The following NMNAT2 variants were observed in gnomAD, a reference collection of about 807,000 sequenced individuals.
NMNAT2 encodes the protein nicotinamide nucleotide adenylyltransferase 2.
Under a neutral mutation model 41.6 loss-of-function variants are expected in NMNAT2, and 11 were observed. The observed-to-expected ratio is 0.26, with a 90% CI of 0.17 to 0.44. The LOEUF (loss-of-function observed/expected upper bound fraction) is 0.44, where lower values mean the gene tolerates loss of function less well. Ranked by LOEUF, NMNAT2 falls within the 20% of genes least tolerant of loss-of-function variation. The pLI, the probability that NMNAT2 is intolerant of heterozygous loss-of-function variation, is 1.00. For synonymous variants in NMNAT2, 148 were observed against 151.2 expected, an observed-to-expected ratio of 0.98 and a Z score of 0.16; for missense variants, 288 against 407.7, an observed-to-expected ratio of 0.71 and a Z score of 2.53.
chr1:183,272,170 T>C (rs1219140069), intron 8 of NMNAT2, among the ~76,000 whole-genome samples: 1 of 152,200 alleles, frequency 6.6e-6, no homozygotes, highest in African/African-American at 2.4e-5. Context: ...TGCCTTCTGC[T>C]TCACAAATCT....
At chr1:183,274,300 A>G (rs1661068616) in intron 8 of NMNAT2, among the ~76,000 whole-genome samples, 1 of 151,632 alleles carries the variant, frequency 6.6e-6, no homozygotes, top group Admixed American at 6.6e-5. Flanking sequence ...CAATAACTTT[A>G]TTTATTTATT....
chr1:183,336,752 C>T (rs1286715861), intron 1 of NMNAT2, among the ~76,000 whole-genome samples: 1 of 152,170 alleles, frequency 6.6e-6, no homozygotes, highest in Non-Finnish European at 1.5e-5. Flanking sequence ...AAAATACTTA[C>T]ACAAGAATGT....
intron 1 of NMNAT2, among the ~76,000 whole-genome samples, chr1:183,331,811 G>A (rs932897903): frequency 2.6e-5 from 4 of 152,004 alleles, no homozygotes; most frequent in Admixed American, 2.0e-4. Context: ...TTTTTGAGAC[G>A]GAGTCTCACT....
chr1:183,416,887 A>G (rs1486473225), intron 1 of NMNAT2, among the ~76,000 whole-genome samples: 1 of 151,904 alleles, frequency 6.6e-6, no homozygotes, highest in African/African-American at 2.4e-5. Flanking sequence ...CAGGCTCCGG[A>G]TAAACACGTG....
chr1:183,309,694 T>C (rs1449168276), intron 1 of NMNAT2, among the ~76,000 whole-genome samples: 1 of 152,180 alleles, frequency 6.6e-6, no homozygotes, highest in Non-Finnish European at 1.5e-5. Flanking sequence ...CCTGGTTTTA[T>C]CTCATTGGTT....
intron 1 of NMNAT2, among the ~76,000 whole-genome samples, chr1:183,305,547 C>T (rs1571587560): frequency 6.6e-6 from 1 of 152,044 alleles, no homozygotes; most frequent in South Asian, 2.1e-4. Flanking sequence ...TAGACTTTAT[C>T]CAGGAGATAG....
chr1:183,345,052 T>C (rs982794669), intron 1 of NMNAT2, among the ~76,000 whole-genome samples: 1 of 152,164 alleles, frequency 6.6e-6, no homozygotes, highest in African/African-American at 2.4e-5. Context: ...ATTCCACCTG[T>C]TGTAAATCTC....
intron 1 of NMNAT2, among the ~76,000 whole-genome samples, chr1:183,313,709 C>A (rs1395804061): frequency 2.0e-5 from 3 of 152,200 alleles, no homozygotes; most frequent in African/African-American, 7.2e-5. Context: ...TGGTCTCGAA[C>A]TCTTGGCCTC....
At position 183,350,326 on chromosome 1, in the gene NMNAT2, G is replaced by C. The variant is rs561523901; in HGVS notation, c.86-56533C>G. Among the ~76,000 whole-genome samples the C allele has an allele frequency of 6.5e-4, 99 of 152,190 alleles. 2 individuals carry two copies. In the South Asian group the frequency reaches 0.02, roughly 31 times the overall value. ...ACCAGCTGAGATGGGGAACTGTCCT[G>C]GTCAACCCCTGTTAATTTGGGAGGA... On this transcript the variant is annotated intron_variant, in intron 1 of 10. Transcript: ENST00000287713.
chr1:183,355,232 A>G (rs1663158617), intron 1 of NMNAT2, among the ~76,000 whole-genome samples: 1 of 152,080 alleles, frequency 6.6e-6, no homozygotes, highest in Non-Finnish European at 1.5e-5. Context: ...GACTCTTCCA[A>G]TCTGTGTTAG....
intron 1 of NMNAT2, among the ~76,000 whole-genome samples, chr1:183,346,751 C>T (rs1176005748): frequency 3.3e-5 from 5 of 152,204 alleles, no homozygotes; most frequent in African/African-American, 7.2e-5. Context: ...CATCGGAACA[C>T]TCATTCTGTT....
At chr1:183,415,794 G>A (rs1272509728) in intron 1 of NMNAT2, among the ~76,000 whole-genome samples, 1 of 152,140 alleles carries the variant, frequency 6.6e-6, no homozygotes, top group African/African-American at 2.4e-5. Flanking sequence ...ATTCCAATAA[G>A]ACATTCTACC....
intron 1 of NMNAT2, among the ~76,000 whole-genome samples, chr1:183,338,649 C>T (rs1662730212): frequency 6.6e-6 from 1 of 152,172 alleles, no homozygotes; most frequent in African/African-American, 2.4e-5. Flanking sequence ...AAAGCTAAAA[C>T]TGGAACTCAG....
At chr1:183,286,624 T>C (rs925958948) in intron 5 of NMNAT2, 38 bp downstream of exon 5, 5 of 1,566,092 alleles carry the variant, frequency 3.2e-6, no homozygotes, top group Middle Eastern at 1.7e-4. Context: ...CTCCACATGA[T>C]TCTGAGGTCT....
intron 1 of NMNAT2, among the ~76,000 whole-genome samples, chr1:183,296,502 T>C (rs1571581535): frequency 6.7e-6 from 1 of 148,506 alleles, no homozygotes; most frequent in Non-Finnish European, 1.5e-5. Context: ...TGTGTCACTC[T>C]GATAAGTGTG....
chr1:183,373,940 G>A (rs1173282379), intron 1 of NMNAT2, among the ~76,000 whole-genome samples: 3 of 152,154 alleles, frequency 2.0e-5, no homozygotes, highest in South Asian at 2.1e-4. Context: ...TTCTTTATTA[G>A]TAATTAAGAA....
chr1:183,404,975 C>T (rs540708142), intron 1 of NMNAT2, among the ~76,000 whole-genome samples: 1 of 152,282 alleles, frequency 6.6e-6, no homozygotes, highest in East Asian at 1.9e-4. Context: ...AATCCCAGCA[C>T]TTCGGGAGGA....
intron 8 of NMNAT2, among the ~76,000 whole-genome samples, chr1:183,264,534 T>G (rs1660753879): frequency 6.6e-6 from 1 of 152,140 alleles, no homozygotes; most frequent in Non-Finnish European, 1.5e-5. Context: ...CTGCAGATAC[T>G]CTCTGCTCCT....
chr1:183,329,202 G>GT (rs1662529030), intron 1 of NMNAT2, among the ~76,000 whole-genome samples: 1 of 152,196 alleles, frequency 6.6e-6, no homozygotes, highest in African/African-American at 2.4e-5. Context: ...TCATGTTGTT[G>GT]TATTCCTTTA....
Sources: allele counts gnomAD v4.1 joint callset (sites outside exome capture counted in the v4.1 genomes callset), GRCh38; gene constraint gnomAD v4.1.1; transcripts MANE v1.5; gene names NCBI Gene and HGNC (gene_info 2026-07-23, HGNC 2026-07-21).